The following FRMD4B variants were observed in gnomAD, a reference collection of about 807,000 sequenced individuals.
FRMD4B encodes FERM domain containing 4B, also known as FERM domain-containing protein 4B.
FRMD4B carries 74 observed loss-of-function variants against 141.5 expected under a neutral mutation model. The ratio of observed to expected loss-of-function variants is 0.52; its 90% CI spans 0.43 to 0.63. The LOEUF (loss-of-function observed/expected upper bound fraction) is 0.63, where lower values mean the gene tolerates loss of function less well. FRMD4B is among the 30% of genes least tolerant of loss of function. The probability of loss-of-function intolerance (pLI) is 0.00; values close to 1 mark genes in which losing one functional copy is unlikely to be tolerated. For synonymous variants in FRMD4B, 506 were observed against 467.9 expected (o/e 1.08, Z -1.05); for missense variants, 1,366 against 1,253.4 (o/e 1.09, Z -1.36).
intron 1 of FRMD4B, among the ~76,000 whole-genome samples, chr3:69,343,380 T>A (rs1702807836): frequency 6.6e-6 from 1 of 152,130 alleles, no homozygotes. Flanking sequence ...CCTCTCTTTG[T>A]CCGTTAGGTG....
chr3:69,317,754 CAAAAAAAAAA>C (rs765280161), intron 1 of FRMD4B, among the ~76,000 whole-genome samples: 1 of 52,610 alleles, frequency 1.9e-5, no homozygotes, highest in African/African-American at 7.9e-5. Context: ...GACACCAACT[CAAAAAAAAAA>C]AAAAAAAAAA....
At chr3:69,374,736 C>T (rs910298161) in intron 1 of FRMD4B, among the ~76,000 whole-genome samples, 2 of 152,158 alleles carry the variant, frequency 1.3e-5, no homozygotes, top group Non-Finnish European at 2.9e-5. Flanking sequence ...CATTAAGAGG[C>T]TAGTGCTGCC....
At chr3:69,225,232 G>A (rs2107760492) in intron 7 of FRMD4B, among the ~76,000 whole-genome samples, 1 of 152,204 alleles carries the variant, frequency 6.6e-6, no homozygotes, top group Middle Eastern at 3.4e-3. Flanking sequence ...AAGATGACTG[G>A]AAAACGTGTT....
At chr3:69,529,217 G>C (rs1333665184) in intron 1 of FRMD4B, among the ~76,000 whole-genome samples, 1 of 152,212 alleles carries the variant, frequency 6.6e-6, no homozygotes, top group Non-Finnish European at 1.5e-5. Flanking sequence ...AGTGTTGCTA[G>C]AGCTTCTGAA....
At chr3:69,214,915 T>C (rs2093124367) in intron 11 of FRMD4B, among the ~76,000 whole-genome samples, 1 of 151,922 alleles carries the variant, frequency 6.6e-6, no homozygotes, top group South Asian at 2.1e-4. Flanking sequence ...AGTCTCACCC[T>C]GTCGCCCAGG....
chr3:69,228,277 A>G, intron 7 of FRMD4B: 1 of 456,120 alleles, frequency 2.2e-6, no homozygotes, highest in Non-Finnish European at 4.4e-6. Context: ...TACAAAGCAT[A>G]TCTTTTAGAC....
At chr3:69,412,840 CTTTTTTTTTTTTTT>C (rs869150440) in intron 2 of FRMD4B, among the ~76,000 whole-genome samples, 28 of 54,274 alleles carry the variant, frequency 5.2e-4, no homozygotes, top group Admixed American at 1.3e-3. Context: ...AGAAGCTCCA[CTTTTTTTTTTTTTT>C]TTTTTTTTTT....
chr3:69,474,942 T>G (rs1455997582), intron 1 of FRMD4B, among the ~76,000 whole-genome samples: 1 of 152,170 alleles, frequency 6.6e-6, no homozygotes, highest in East Asian at 1.9e-4. Flanking sequence ...TTCTAAAGGC[T>G]TTGGGAAGAA....
Position 69,357,195 on chromosome 3 carries a change from G to A in FRMD4B, c.162+28633C>T, listed in dbSNP as rs926648160. Among the ~76,000 whole-genome samples, 17 of 152,190 alleles carry A rather than the reference G, an allele frequency of 1.1e-4. No homozygotes were observed. The South Asian group carries it at 1.4e-3, about 13-fold the overall frequency. On this transcript the variant is annotated intron_variant, in intron 1 of 22. Coordinates refer to ENST00000398540, the MANE Select transcript of FRMD4B (RefSeq NM_015123.3). Reference sequence around the variant, plus strand: ...TGCAGTAGTAGGGTATCAGATAGGAGTTTTGTAATCAGTAAATCAGAAGGG... The same window carrying A: ...TGCAGTAGTAGGGTATCAGATAGGAATTTTGTAATCAGTAAATCAGAAGGG...
intron 1 of FRMD4B, among the ~76,000 whole-genome samples, chr3:69,320,152 GACCT>G (rs1478668295): frequency 6.6e-6 from 1 of 152,116 alleles, no homozygotes; most frequent in Non-Finnish European, 1.5e-5. Flanking sequence ...CAGCGTAAGT[GACCT>G]GAACAAGGTT....
chr3:69,247,502 C>T (rs575184795), intron 7 of FRMD4B, among the ~76,000 whole-genome samples: 122 of 152,272 alleles, frequency 8.0e-4, no homozygotes, highest in African/African-American at 2.9e-3. Flanking sequence ...GACACAGCAG[C>T]TTTTTTCTGA....
intron 18 of FRMD4B, among the ~76,000 whole-genome samples, chr3:69,188,726 C>T (rs1247991364): frequency 2.1e-5 from 3 of 145,532 alleles, no homozygotes; most frequent in Non-Finnish European, 3.0e-5. Context: ...CACTGCAGTC[C>T]GCAGTCCGAC....
chr3:69,301,438 C>A (rs564033284), intron 4 of FRMD4B, among the ~76,000 whole-genome samples: 1 of 152,104 alleles, frequency 6.6e-6, no homozygotes, highest in African/African-American at 2.4e-5. Flanking sequence ...GATCCTTATG[C>A]CTCAGCCTCA....
At chr3:69,478,421 T>C (rs1009998957) in intron 1 of FRMD4B, among the ~76,000 whole-genome samples, 1 of 152,244 alleles carries the variant, frequency 6.6e-6, no homozygotes, top group African/African-American at 2.4e-5. Flanking sequence ...TTCTCATTGG[T>C]TTCAAATAAC....
chr3:69,196,857 A>G (rs1435430796), intron 13 of FRMD4B, 43 bp downstream of exon 13: 10 of 1,493,004 alleles, frequency 6.7e-6, no homozygotes, highest in Non-Finnish European at 9.3e-6. Flanking sequence ...AACAGAATGC[A>G]AAAGGGGAAT....
intron 3 of FRMD4B, among the ~76,000 whole-genome samples, chr3:69,308,297 C>A (rs1315569400): frequency 6.6e-6 from 1 of 152,156 alleles, no homozygotes; most frequent in African/African-American, 2.4e-5. Flanking sequence ...GATGAGAAAA[C>A]TTGAGTGTCA....
At chr3:69,540,664 C>T (rs201894825) in intron 1 of FRMD4B, among the ~76,000 whole-genome samples, 1,439 of 85,136 alleles carry the variant, frequency 0.017, 24 homozygotes, top group Non-Finnish European at 0.023. Flanking sequence ...TATATATACA[C>T]ACACACACAC....
At chr3:69,302,283 C>G (rs528865258) in intron 4 of FRMD4B, 60 bp downstream of exon 4, 1 of 916,214 alleles carries the variant, frequency 1.1e-6, no homozygotes, top group Non-Finnish European at 1.8e-6. Flanking sequence ...AGAAAACACA[C>G]AAAAACCCAA....
intron 1 of FRMD4B, among the ~76,000 whole-genome samples, chr3:69,351,120 T>C (rs974404216): frequency 5.3e-5 from 8 of 152,208 alleles, no homozygotes; most frequent in Non-Finnish European, 1.0e-4. Flanking sequence ...CCCAATACCT[T>C]CCTTTCTTAG....
Sources: allele counts gnomAD v4.1 joint callset (sites outside exome capture counted in the v4.1 genomes callset), GRCh38; gene constraint gnomAD v4.1.1; transcripts MANE v1.5; gene names NCBI Gene and HGNC (gene_info 2026-07-23, HGNC 2026-07-21).